Variants in FN1 observed in about 807,000 individuals in gnomAD.
FN1 encodes fibronectin.
Under a neutral mutation model 297.3 loss-of-function variants are expected in FN1, and 106 were observed. The observed-to-expected ratio is 0.36, with a 90% confidence interval of 0.30 to 0.42. The LOEUF is 0.42. Ranked by LOEUF, FN1 falls within the 10% of genes least tolerant of loss-of-function variation. The pLI, the probability that FN1 is intolerant of heterozygous loss-of-function variation, is 1.00. For missense variants in FN1, 2,690 were observed against 3,124.9 expected (o/e 0.86, Z 3.32); for synonymous variants, 1,149 against 1,152.6 (o/e 1.00, Z 0.06).
Position 215,404,454 on chromosome 2 carries a change from G to A in FN1, c.3188C>T (p.Thr1063Ile). ...GCCCTTTATGGCCACGAGGGATACG[G>A]TGTACTCAGATGCAGGCTGCAGATT... ...LRNLQPASEY[T>I]VSLVAIKGNQ... Residue 1063 changes from threonine (T) to isoleucine (I), a missense_variant, in exon 20 of 46, where the codon ACC (threonine) becomes ATC (isoleucine). By Grantham distance (89) the Thr-to-Ile change is moderately conservative. This residue lies in a region of FN1 where 1,743 missense variants were observed against 1,945.2 expected (regional missense o/e 0.90). Transcript: ENST00000354785. 1 of 1,614,122 alleles carries A rather than the reference G, an allele frequency of 6.2e-7. No individual in the cohort carries two copies. The highest frequency in any genetic ancestry group is 8.5e-7 in the Non-Finnish European group (1 of 1,179,990).
At chr2:215,434,639 A>T in intron 2 of FN1, 57 bp downstream of exon 2, 3 of 1,601,804 alleles carry the variant, frequency 1.9e-6, no homozygotes, top group Non-Finnish European at 2.6e-6. Flanking sequence ...TGCAAAGTTT[A>T]ACAATTACCA....
intron 19 of FN1, 74 bp from the exon 20 acceptor site, chr2:215,404,729 T>C (rs2061553932): frequency 2.2e-6 from 3 of 1,352,962 alleles, no homozygotes; most frequent in South Asian, 1.2e-5. Flanking sequence ...TGAAACTTGA[T>C]TGAATGTCTA....
In FN1 at chr2:215,397,136, C is replaced by T; in HGVS notation, c.3604+1G>A. The stretch of plus-strand genomic sequence containing the variant: ...TGCCCTCTGATCCATCCCAAACTTA[C>T]CTGGGGTGGTGCTCCTCTCCCAGGA... On this transcript the variant is annotated splice_donor_variant, in intron 23 of 45. Coordinates refer to ENST00000354785, the MANE Select transcript of FN1 (RefSeq NM_212482.4). LOFTEE classifies it high-confidence loss of function. 1 of 1,608,960 alleles carries T rather than the reference C, an allele frequency of 6.2e-7. No homozygotes were observed. The highest frequency in any genetic ancestry group is 8.5e-7 in the Non-Finnish European group (1 of 1,175,302).
At chr2:215,393,695 T>A (rs1348692330) in intron 24 of FN1, 1 of 152,218 alleles carries the variant, frequency 6.6e-6, no homozygotes, top group African/African-American at 2.4e-5. Context: ...CATGACAACA[T>A]CATGGCCATA....
intron 33 of FN1, chr2:215,379,601 C>T: frequency 6.8e-6 from 2 of 294,612 alleles, no homozygotes; most frequent in Non-Finnish European, 6.3e-6. Context: ...TTTGCTTTCC[C>T]TTAAAAAAAA....
At chr2:215,409,880 G>A (rs2062338920) in intron 14 of FN1, 54 bp downstream of exon 14, 2 of 1,605,290 alleles carry the variant, frequency 1.2e-6, no homozygotes, top group Non-Finnish European at 1.7e-6. Context: ...CCTCAGGAGA[G>A]CCTAGCTCTA....
intron 11 of FN1, among the ~76,000 whole-genome samples, chr2:215,420,204 T>C (rs1269540804): frequency 6.6e-6 from 1 of 152,134 alleles, no homozygotes; most frequent in East Asian, 1.9e-4. Context: ...CTGGGCCTGG[T>C]GGCGCATGCC....
chr2:215,423,354 C>T lies in FN1; in HGVS notation c.1389G>A (p.Met463Ile), dbSNP rs749916980. The T allele has an allele frequency of 1.7e-5, 27 of 1,613,812 alleles. 1 individual carries two copies. The South Asian group carries it at 3.0e-4, about 18-fold the overall frequency. Residue 463 changes from methionine to isoleucine, a missense_variant, in exon 9 of 46, where the codon ATG becomes ATA. Met to Ile is a conservative substitution (Grantham distance 10). Coordinates refer to ENST00000354785, the MANE Select transcript of FN1 (RefSeq NM_212482.4). Reference protein sequence around the residue: ...DADQKFGFCPMAAHEEICTTN... With the variant: ...DADQKFGFCPIAAHEEICTTN... ...CCCACAAGGGCTTCATCTTACCAGC[C>T]ATGGGGCAGAACCCAAACTTCTGGT... is the stretch of plus-strand genomic sequence containing the variant.
chr2:215,396,929 T>G (rs1281417430), intron 23 of FN1, among the ~76,000 whole-genome samples: 3 of 152,216 alleles, frequency 2.0e-5, no homozygotes, highest in African/African-American at 7.2e-5. Context: ...AGTGTAAGGT[T>G]GTTCTGCTTC....
intron 11 of FN1, among the ~76,000 whole-genome samples, chr2:215,420,388 A>G (rs2064110963): frequency 6.6e-6 from 1 of 152,152 alleles, no homozygotes; most frequent in South Asian, 2.1e-4. Context: ...AGGAAAGAAT[A>G]CTTTTAATAG....
intron 18 of FN1, 46 bp downstream of exon 18, chr2:215,407,081 C>A (rs1185783710): frequency 7.0e-7 from 1 of 1,436,228 alleles, no homozygotes; most frequent in Non-Finnish European, 9.8e-7. Context: ...CCTTCAGGAA[C>A]AATCCTGATA....
intron 38 of FN1, 51 bp downstream of exon 38, chr2:215,375,163 C>A (rs988954307): frequency 1.5e-5 from 23 of 1,558,774 alleles, no homozygotes; most frequent in Non-Finnish European, 1.9e-5. Flanking sequence ...CTAAGGACTT[C>A]ATGTGTCCTA....
chr2:215,369,575 G>A (rs556996501), intron 41 of FN1, among the ~76,000 whole-genome samples: 25 of 152,220 alleles, frequency 1.6e-4, no homozygotes, highest in African/African-American at 4.8e-4. Context: ...GGGGATTCAC[G>A]GTTTTGATTA....
At chr2:215,387,917 G>A (rs1324098310) in intron 27 of FN1, among the ~76,000 whole-genome samples, 1 of 152,186 alleles carries the variant, frequency 6.6e-6, no homozygotes, top group Non-Finnish European at 1.5e-5. Context: ...AGACAGAGCT[G>A]CCTAATGAAA....
chr2:215,407,206 G>A lies in FN1; in HGVS notation c.2634C>T (p.Ile878=). ...GATTTTCTTCCACAGCATAGATAGTGATGTTATACTGAACACCAGGTTGCA... is the reference window on the plus strand; with the variant it reads ...GATTTTCTTCCACAGCATAGATAGTAATGTTATACTGAACACCAGGTTGCA... ...SDLQPGVQYN[I]TIYAVEENQE... Residue 878 remains isoleucine, a synonymous_variant, in exon 18 of 46, where the codon ATC becomes ATT. Transcript: ENST00000354785. 6.2e-7 allele frequency: 1 copy of A among 1,613,860 alleles called. No homozygotes were observed. Among genetic ancestry groups the A allele is most frequent in the Non-Finnish European group, 8.5e-7 (1 of 1,179,740 alleles).
At chr2:215,410,524 T>G (rs2062462901) in intron 13 of FN1, among the ~76,000 whole-genome samples, 3 of 126,216 alleles carry the variant, frequency 2.4e-5, no homozygotes, top group Middle Eastern at 4.3e-3. Flanking sequence ...TTTTTTTTTT[T>G]GAGACAGAGT....
intron 4 of FN1, among the ~76,000 whole-genome samples, chr2:215,431,096 T>A (rs1575877118): frequency 6.6e-6 from 1 of 152,214 alleles, no homozygotes; most frequent in African/African-American, 2.4e-5. Flanking sequence ...GACTACATAT[T>A]TTCAGCGAGC....
At chr2:215,410,173 T>C (rs2062397009) in intron 13 of FN1, 59 bp from the exon 14 acceptor site, 1 of 1,490,762 alleles carries the variant, frequency 6.7e-7, no homozygotes, top group African/African-American at 1.4e-5. Flanking sequence ...GGATGAACAT[T>C]TGAAGATGAT....
At position 215,435,674 on chromosome 2, in the gene FN1, C is replaced by T. The variant is rs1359903811; in HGVS notation, c.129G>A (p.Val43=). The change falls in exon 1 of 46, where the codon GTG becomes GTA. Residue 43 remains valine (V), a synonymous_variant. Transcript: ENST00000354785. ...AQQMVQPQSP[V]AVSQSKPGCY... ...ACTCACGCTTGCTTTGACTGACAGCCACCGGGGACTGGGGCTGAACCATTT... is the reference window on the plus strand; with the variant it reads ...ACTCACGCTTGCTTTGACTGACAGCTACCGGGGACTGGGGCTGAACCATTT... The T allele has an allele frequency of 6.2e-7, 1 of 1,613,582 alleles. No homozygotes were observed. The highest frequency in any genetic ancestry group is 1.7e-5 in the Admixed American group (1 of 60,010).
Sources: allele counts gnomAD v4.1 joint callset (sites outside exome capture counted in the v4.1 genomes callset), GRCh38; gene constraint gnomAD v4.1.1; regional missense constraint gnomAD v4.1.1; transcripts MANE v1.5; gene names NCBI Gene and HGNC (gene_info 2026-07-23, HGNC 2026-07-21).